Variants in VMP1 observed in about 807,000 individuals in gnomAD.
The protein encoded by VMP1 is ectopic P-granules autophagy protein 3 homolog.
VMP1 carries 11 observed loss-of-function variants against 56.0 expected under a neutral mutation model. That is an observed-to-expected ratio of 0.20 (90% CI 0.12 to 0.32). VMP1 has a LOEUF of 0.32. VMP1 is among the 10% of genes least tolerant of loss of function. The probability of loss-of-function intolerance (pLI) is 1.00; values close to 1 mark genes in which losing one functional copy is unlikely to be tolerated. For synonymous variants in VMP1, 149 were observed against 165.0 expected (o/e 0.90, Z 0.74); for missense variants, 296 against 490.3 (o/e 0.60, Z 3.74).
intron 1 of VMP1, among the ~76,000 whole-genome samples, chr17:59,720,524 C>T (rs2034349326): frequency 6.6e-6 from 1 of 152,118 alleles, no homozygotes; most frequent in African/African-American, 2.4e-5. Flanking sequence ...AGTGAATACT[C>T]AGGGCAGCAT....
intron 1 of VMP1, among the ~76,000 whole-genome samples, chr17:59,719,940 G>T (rs985710228): frequency 1.3e-5 from 2 of 152,170 alleles, no homozygotes; most frequent in Non-Finnish European, 2.9e-5. Flanking sequence ...ATCTATATAA[G>T]TGTTCAAAAT....
intron 5 of VMP1, among the ~76,000 whole-genome samples, chr17:59,760,064 A>C (rs1386775441): frequency 6.6e-6 from 1 of 150,608 alleles, no homozygotes. Context: ...TCAAGACTCC[A>C]CTGAGCTGTG....
chr17:59,719,374 GA>G lies in VMP1; in HGVS notation c.-27+11628del, dbSNP rs551596431. Among the ~76,000 whole-genome samples the G allele has an allele frequency of 3.4e-3, 518 of 152,178 alleles. 5 individuals are homozygous for G. The highest frequency in any genetic ancestry group is 5.6e-3 in the Non-Finnish European group (382 of 68,006). ...TTCTGAAAGCAAGAAAGGTTACTGA[GA>G]AGCATAATACTTATTGGCTATCTTT... On this transcript the variant is annotated intron_variant, in intron 1 of 11. Coordinates refer to ENST00000262291, the MANE Select transcript of VMP1 (RefSeq NM_030938.5).
At chr17:59,795,842 T>A (rs1046891262) in intron 7 of VMP1, among the ~76,000 whole-genome samples, 2 of 152,172 alleles carry the variant, frequency 1.3e-5, no homozygotes, top group Admixed American at 1.3e-4. Flanking sequence ...CTAAGCAGTA[T>A]AACTTCAATT....
At chr17:59,825,591 A>G (rs1474368825) in intron 10 of VMP1, among the ~76,000 whole-genome samples, 1 of 152,212 alleles carries the variant, frequency 6.6e-6, no homozygotes, top group Non-Finnish European at 1.5e-5. Context: ...TATGCAGAAC[A>G]TTGGCTCATT....
chr17:59,725,853 A>C (rs1568029596), intron 1 of VMP1, among the ~76,000 whole-genome samples: 1 of 152,224 alleles, frequency 6.6e-6, no homozygotes, highest in African/African-American at 2.4e-5. Flanking sequence ...GTAAGAGCAC[A>C]TTATTTGCTC....
intron 9 of VMP1, among the ~76,000 whole-genome samples, chr17:59,815,300 A>G (rs1206689832): frequency 2.0e-5 from 3 of 152,018 alleles, no homozygotes; most frequent in Non-Finnish European, 2.9e-5. Context: ...TAGAGACATT[A>G]CCTTTGTCCC....
chr17:59,715,130 T>C (rs1215875720), intron 1 of VMP1, among the ~76,000 whole-genome samples: 2 of 152,248 alleles, frequency 1.3e-5, no homozygotes, highest in Admixed American at 1.3e-4. Flanking sequence ...TTGTTTTCGC[T>C]ACTCTAAGTT....
chr17:59,836,027 G>A (rs568172541), intron 10 of VMP1, among the ~76,000 whole-genome samples: 2 of 150,764 alleles, frequency 1.3e-5, no homozygotes, highest in Non-Finnish European at 3.0e-5. Context: ...AAAAGTCAGG[G>A]CCAGGAGCGG....
intron 1 of VMP1, among the ~76,000 whole-genome samples, chr17:59,713,115 A>G (rs1212864317): frequency 6.6e-6 from 1 of 151,972 alleles, no homozygotes; most frequent in African/African-American, 2.4e-5. Flanking sequence ...GGGAGAAGGG[A>G]GGTTTGGAGA....
At chr17:59,765,423 A>G (rs900823532) in intron 6 of VMP1, among the ~76,000 whole-genome samples, 3 of 152,200 alleles carry the variant, frequency 2.0e-5, no homozygotes, top group African/African-American at 7.2e-5. Flanking sequence ...GCCTTGAACC[A>G]TGTGTGGGTT....
chr17:59,773,147 A>G (rs575508501), intron 6 of VMP1, among the ~76,000 whole-genome samples: 2 of 151,490 alleles, frequency 1.3e-5, no homozygotes, highest in Non-Finnish European at 2.9e-5. Flanking sequence ...TTTTTAGTAG[A>G]GATGGGGTTT....
At chr17:59,713,582 T>C (rs2034019110) in intron 1 of VMP1, among the ~76,000 whole-genome samples, 3 of 151,386 alleles carry the variant, frequency 2.0e-5, no homozygotes, top group Non-Finnish European at 4.4e-5. Context: ...ATGCAGTGGC[T>C]CACTCCTGTA....
intron 1 of VMP1, among the ~76,000 whole-genome samples, chr17:59,723,391 G>A (rs2034471914): frequency 6.6e-6 from 1 of 152,172 alleles, no homozygotes; most frequent in African/African-American, 2.4e-5. Context: ...AGAGCAGGGG[G>A]AGCCGTCAGA....
At chr17:59,708,101 C>A (rs1285794585) in intron 1 of VMP1, 1 of 152,256 alleles carries the variant, frequency 6.6e-6, no homozygotes, top group Non-Finnish European at 1.5e-5. Flanking sequence ...GTCTTCCCTG[C>A]TGATGACTGA....
chr17:59,744,675 G>C (rs2035360621), intron 5 of VMP1, among the ~76,000 whole-genome samples: 1 of 145,956 alleles, frequency 6.9e-6, no homozygotes, highest in Admixed American at 7.0e-5. Flanking sequence ...AGAGATGAAA[G>C]AAAGAAGAAA....
intron 1 of VMP1, among the ~76,000 whole-genome samples, chr17:59,716,665 C>T (rs2034164011): frequency 6.6e-6 from 1 of 152,236 alleles, no homozygotes; most frequent in Non-Finnish European, 1.5e-5. Flanking sequence ...ATAAAAATAA[C>T]AGTCCCTTAC....
At chr17:59,795,503 CTTTTG>C (rs1019654295) in intron 7 of VMP1, among the ~76,000 whole-genome samples, 6 of 148,814 alleles carry the variant, frequency 4.0e-5, no homozygotes, top group African/African-American at 1.5e-4. Context: ...GAACATGTTT[CTTTTG>C]TTTTTTAAAA....
At chr17:59,713,395 TATAATAATA>T (rs549268809) in intron 1 of VMP1, among the ~76,000 whole-genome samples, 1 of 151,214 alleles carries the variant, frequency 6.6e-6, no homozygotes, top group Non-Finnish European at 1.5e-5. Context: ...GAACTTAAAG[TATAATAATA>T]ATAATAATAA....
Sources: gnomAD v4.1 joint callset for allele counts (sites outside exome capture counted in the v4.1 genomes callset) on GRCh38, gnomAD v4.1.1 for gene constraint, MANE v1.5 for transcripts, NCBI Gene and HGNC (gene_info 2026-07-23, HGNC 2026-07-21) for gene names.